The following LRRC4C variants were observed in gnomAD, a reference collection of about 807,000 sequenced individuals.
LRRC4C encodes the protein leucine rich repeat containing 4C, also known as leucine-rich repeat-containing protein 4C.
A neutral mutation model predicts 33.6 loss-of-function variants in LRRC4C; 5 were observed. That is an observed-to-expected ratio of 0.15 (90% CI 0.08 to 0.31). The LOEUF (loss-of-function observed/expected upper bound fraction) is 0.31, where lower values mean the gene tolerates loss of function less well. Ranked by LOEUF, LRRC4C falls within the 10% of genes least tolerant of loss-of-function variation. The pLI, the probability that LRRC4C is intolerant of heterozygous loss-of-function variation, is 1.00. For synonymous variants in LRRC4C, 329 were observed against 302.0 expected, an observed-to-expected ratio of 1.09 and a Z score of -0.93; for missense variants, 560 against 796.7, an observed-to-expected ratio of 0.70 and a Z score of 3.58.
chr11:41,402,846 C>T (rs559949891), intron 1 of LRRC4C, among the ~76,000 whole-genome samples: 14 of 152,098 alleles, frequency 9.2e-5, no homozygotes, highest in African/African-American at 3.1e-4. Flanking sequence ...TTATTTATTT[C>T]ATTTTTCACA....
chr11:41,134,724 G>T (rs117284676), intron 1 of LRRC4C, among the ~76,000 whole-genome samples: 130 of 152,170 alleles, frequency 8.5e-4, no homozygotes, highest in Non-Finnish European at 1.3e-3. Flanking sequence ...AATCCACTGT[G>T]ACCTCATTTT....
chr11:40,192,878 C>T (rs1242773332), intron 5 of LRRC4C, among the ~76,000 whole-genome samples: 1 of 152,156 alleles, frequency 6.6e-6, no homozygotes, highest in Non-Finnish European at 1.5e-5. Flanking sequence ...GCCACAAAGC[C>T]GCTGTAGCCA....
At chr11:40,653,135 G>A (rs557885793) in intron 2 of LRRC4C, among the ~76,000 whole-genome samples, 1 of 152,172 alleles carries the variant, frequency 6.6e-6, no homozygotes, top group Non-Finnish European at 1.5e-5. Context: ...TTCATAGCAG[G>A]CTGAGAATGT....
At chr11:41,165,964 G>A (rs915109224) in intron 1 of LRRC4C, among the ~76,000 whole-genome samples, 1 of 151,742 alleles carries the variant, frequency 6.6e-6, no homozygotes, top group Non-Finnish European at 1.5e-5. Flanking sequence ...CCAGGAGGCG[G>A]AGGTTGCAGT....
chr11:40,734,636 A>G (rs1485241625), intron 2 of LRRC4C, among the ~76,000 whole-genome samples: 1 of 152,146 alleles, frequency 6.6e-6, no homozygotes, highest in Non-Finnish European at 1.5e-5. Flanking sequence ...ACAGAATCAC[A>G]CCACATAGCT....
chr11:41,206,080 T>A (rs1946591442), intron 1 of LRRC4C, among the ~76,000 whole-genome samples: 1 of 152,144 alleles, frequency 6.6e-6, no homozygotes, highest in Non-Finnish European at 1.5e-5. Flanking sequence ...TAGAAAAGCT[T>A]TTTATGACAA....
At chr11:40,741,407 T>G (rs1948152572) in intron 2 of LRRC4C, among the ~76,000 whole-genome samples, 1 of 152,026 alleles carries the variant, frequency 6.6e-6, no homozygotes, top group African/African-American at 2.4e-5. Context: ...GTATTGCCCT[T>G]AGAAGTCCAC....
intron 3 of LRRC4C, among the ~76,000 whole-genome samples, chr11:40,422,491 C>T (rs1950555335): frequency 6.6e-6 from 1 of 152,020 alleles, no homozygotes; most frequent in Non-Finnish European, 1.5e-5. Context: ...AACACATTGT[C>T]ATGTTCAACG....
At chr11:40,834,911 G>GACAGACACACACACACACACACACAC (rs748483585) in intron 2 of LRRC4C, among the ~76,000 whole-genome samples, 4 of 84,826 alleles carry the variant, frequency 4.7e-5, no homozygotes, top group Admixed American at 1.4e-4. Flanking sequence ...CAGACAGACA[G>GACAGACACACACACACACACACACAC]ACACACACAC....
intron 3 of LRRC4C, among the ~76,000 whole-genome samples, chr11:40,423,493 C>T (rs907276765): frequency 9.9e-5 from 15 of 151,734 alleles, no homozygotes; most frequent in African/African-American, 3.6e-4. Context: ...TACAGGCGCC[C>T]GCTACCACGC....
At chr11:40,829,631 A>G (rs1380238720) in intron 2 of LRRC4C, among the ~76,000 whole-genome samples, 1 of 152,070 alleles carries the variant, frequency 6.6e-6, no homozygotes, top group African/African-American at 2.4e-5. Flanking sequence ...ACATTTGAAC[A>G]ATATCGTCCA....
intron 4 of LRRC4C, among the ~76,000 whole-genome samples, chr11:40,297,970 C>T (rs1365067024): frequency 6.6e-6 from 1 of 152,164 alleles, no homozygotes; most frequent in African/African-American, 2.4e-5. Context: ...CTATGTCCCC[C>T]CCAACCTCCA....
At chr11:41,231,684 C>T (rs1372609993) in intron 1 of LRRC4C, among the ~76,000 whole-genome samples, 1 of 151,734 alleles carries the variant, frequency 6.6e-6, no homozygotes, top group East Asian at 1.9e-4. Flanking sequence ...TTAATGGGTG[C>T]AGCACACCAA....
At chr11:40,729,488 G>C (rs114365291) in intron 2 of LRRC4C, among the ~76,000 whole-genome samples, 1,566 of 152,162 alleles carry the variant, frequency 0.01, 37 homozygotes, top group African/African-American at 0.036. Context: ...TTCAGGTCCT[G>C]ATATTGCCTG....
intron 3 of LRRC4C, chr11:40,445,832 A>G (rs902751817): frequency 1.3e-5 from 2 of 152,240 alleles, no homozygotes; most frequent in African/African-American, 4.8e-5. Context: ...CACTAGATTC[A>G]TAAGGTTTTT....
intron 2 of LRRC4C, among the ~76,000 whole-genome samples, chr11:40,823,869 C>T (rs148772419): frequency 4.7e-4 from 70 of 149,214 alleles, no homozygotes; most frequent in South Asian, 8.6e-4. Flanking sequence ...TACGCAAAGA[C>T]ATCTACACAA....
At chr11:40,983,574 A>G (rs954278432) in intron 1 of LRRC4C, among the ~76,000 whole-genome samples, 1 of 152,216 alleles carries the variant, frequency 6.6e-6, no homozygotes, top group Non-Finnish European at 1.5e-5. Flanking sequence ...ACAAGACGGG[A>G]GAAAATTTTT....
intron 1 of LRRC4C, among the ~76,000 whole-genome samples, chr11:41,226,212 T>A (rs1297504673): frequency 6.6e-6 from 1 of 152,160 alleles, no homozygotes; most frequent in East Asian, 1.9e-4. Context: ...GGACCTTTCA[T>A]GACTTTCTGA....
At chr11:40,740,464 T>C (rs1320659380) in intron 2 of LRRC4C, among the ~76,000 whole-genome samples, 3 of 152,002 alleles carry the variant, frequency 2.0e-5, no homozygotes, top group Admixed American at 2.0e-4. Context: ...AGTCAATTCA[T>C]GTCCTTTTTC....
Sources: gnomAD v4.1 joint callset for allele counts (sites outside exome capture counted in the v4.1 genomes callset) on GRCh38, gnomAD v4.1.1 for gene constraint, MANE v1.5 for transcripts, NCBI Gene and HGNC (gene_info 2026-07-23, HGNC 2026-07-21) for gene names.